The following EVA1A variants were observed in gnomAD, a reference collection of about 807,000 sequenced individuals.
The protein encoded by EVA1A is protein eva-1 homolog A.
Under a neutral mutation model 9.8 loss-of-function variants are expected in EVA1A, and 7 were observed. The observed-to-expected ratio is 0.71, with a 90% CI of 0.41 to 1.34. EVA1A has a LOEUF of 1.34. EVA1A is among the 40% of genes most tolerant of loss of function. The probability of loss-of-function intolerance (pLI) is 0.01; values close to 1 mark genes in which losing one functional copy is unlikely to be tolerated. For synonymous variants in EVA1A, 90 were observed against 85.6 expected (o/e 1.05, Z -0.28); for missense variants, 206 against 205.9 (o/e 1.00, Z 0.00).
In EVA1A at chr2:75,522,628, CA is replaced by C. The variant is rs1265050486; in HGVS notation, c.-191-142del. ...TCCTTGGAAGGATGAATAGCATCCC[CA>C]GAGAGGAGAAAGCCCATTGACAGAG... On this transcript the variant is annotated intron_variant, in intron 1 of 3. Coordinates refer to ENST00000393913, the MANE Select transcript of EVA1A (RefSeq NM_001135032.2). 3.9e-5 allele frequency: 6 copies of C among 152,402 alleles called. No individual in the cohort carries two copies. In the East Asian group the frequency reaches 1.2e-3, roughly 29 times the overall value. The allele number at this position is 152,402 out of a possible 1,614,324, so 9.4% of individuals were successfully genotyped here. A position where few individuals can be genotyped will look rare whatever the true frequency, so the allele number is the denominator to read the frequency against.
intron 1 of EVA1A, among the ~76,000 whole-genome samples, chr2:75,550,198 T>C (rs1676473003): frequency 1.3e-5 from 2 of 152,158 alleles, no homozygotes; most frequent in South Asian, 4.2e-4. Flanking sequence ...ATGGCAGTGG[T>C]CAAATCCTCT....
At chr2:75,532,988 C>CA (rs1675722799) in intron 1 of EVA1A, among the ~76,000 whole-genome samples, 1 of 151,464 alleles carries the variant, frequency 6.6e-6, no homozygotes, top group South Asian at 2.1e-4. Flanking sequence ...ACTAAAAATA[C>CA]AAAAATTAGC....
chr2:75,507,472 G>T (rs2103808739), intron 3 of EVA1A, among the ~76,000 whole-genome samples: 1 of 152,176 alleles, frequency 6.6e-6, no homozygotes, highest in South Asian at 2.1e-4. Flanking sequence ...TAATGACTTT[G>T]CCCCTTTCAG....
intron 1 of EVA1A, among the ~76,000 whole-genome samples, chr2:75,555,371 T>C (rs952620632): frequency 7.0e-6 from 1 of 142,940 alleles, no homozygotes; most frequent in East Asian, 2.1e-4. Context: ...TGTTTCTCCA[T>C]CCCTTTCTAA....
At chr2:75,517,957 T>A in intron 3 of EVA1A, 99 bp downstream of exon 3, 1 of 1,367,806 alleles carries the variant, frequency 7.3e-7, no homozygotes, top group African/African-American at 1.4e-5. Flanking sequence ...TTACGTAGTG[T>A]GTCTTTACTG....
chr2:75,529,464 C>T (rs956956209), intron 1 of EVA1A, among the ~76,000 whole-genome samples: 1 of 152,112 alleles, frequency 6.6e-6, no homozygotes, highest in Non-Finnish European at 1.5e-5. Context: ...CATCAGCACA[C>T]AGAACATTAT....
At chr2:75,507,911 T>C (rs1674674427) in intron 3 of EVA1A, among the ~76,000 whole-genome samples, 1 of 152,258 alleles carries the variant, frequency 6.6e-6, no homozygotes, top group Admixed American at 6.5e-5. Context: ...GCTGAAGCCA[T>C]GGCAGAAGAA....
intron 2 of EVA1A, among the ~76,000 whole-genome samples, chr2:75,519,851 T>G (rs1675175464): frequency 6.6e-6 from 1 of 152,152 alleles, no homozygotes; most frequent in African/African-American, 2.4e-5. Flanking sequence ...AGATTGCAAG[T>G]CTTATCATTT....
In EVA1A at chr2:75,493,783, C is replaced by T. The variant is rs116670438; in HGVS notation, c.86-174G>A. ...TATTCAAAATATAATTATTGACAAA[C>T]GGTGAATCTGTGAAAGGTATATGAA... On this transcript the variant is annotated intron_variant, in intron 3 of 3. Coordinates refer to ENST00000393913, the MANE Select transcript of EVA1A (RefSeq NM_001135032.2). Among the ~76,000 whole-genome samples the T allele has an allele frequency of 7.1e-4, 108 of 152,268 alleles. 1 individual carries two copies. Among genetic ancestry groups the T allele is most frequent in the African/African-American group, 2.5e-3 (102 of 41,524 alleles).
At chr2:75,510,470 T>C (rs1674771159) in intron 3 of EVA1A, among the ~76,000 whole-genome samples, 1 of 152,110 alleles carries the variant, frequency 6.6e-6, no homozygotes, top group Admixed American at 6.6e-5. Context: ...ATGCCCAAAT[T>C]CGTGACTATC....
intron 3 of EVA1A, among the ~76,000 whole-genome samples, chr2:75,506,606 A>T (rs1283167973): frequency 6.6e-6 from 1 of 152,244 alleles, no homozygotes; most frequent in African/African-American, 2.4e-5. Context: ...GAGTAGGCAC[A>T]GCCTCAATTC....
intron 1 of EVA1A, among the ~76,000 whole-genome samples, chr2:75,557,081 C>T (rs1676738516): frequency 6.6e-6 from 1 of 152,182 alleles, no homozygotes; most frequent in South Asian, 2.1e-4. Context: ...GTTAGGTGAC[C>T]TCACCCCACT....
At chr2:75,501,554 A>C (rs1674419386) in intron 3 of EVA1A, among the ~76,000 whole-genome samples, 1 of 152,198 alleles carries the variant, frequency 6.6e-6, no homozygotes, top group Non-Finnish European at 1.5e-5. Context: ...CCCTGGCAAC[A>C]AAAAAGGTTT....
In EVA1A at chr2:75,500,389, T is replaced by C. The variant is rs189494653; in HGVS notation, c.86-6780A>G. On this transcript the variant is annotated intron_variant, in intron 3 of 3. Coordinates refer to ENST00000393913, the MANE Select transcript of EVA1A (RefSeq NM_001135032.2). Reference sequence around the variant, plus strand: ...AATTATAACAAAACTTCTTTTGTTTTTGTCTACATGTTTATGTGAACAAAG... The same window carrying C: ...AATTATAACAAAACTTCTTTTGTTTCTGTCTACATGTTTATGTGAACAAAG... Among the ~76,000 whole-genome samples, 93 of 152,328 alleles carry C rather than the reference T, an allele frequency of 6.1e-4. 1 individual carries two copies. The East Asian group carries it at 0.013, about 22-fold the overall frequency.
In EVA1A at chr2:75,493,422, G is replaced by C; in HGVS notation, c.273C>G (p.Thr91=). The change falls in exon 4 of 4, where the codon ACC becomes ACG. Residue 91 remains threonine (T), a synonymous_variant. Transcript: ENST00000393913. The part of the protein sequence containing the change: ...SSDSEDGSED[T]VSDLSVRRHR... Reference sequence around the variant, plus strand: ...GTCTCCGCACGGAGAGATCGGACACGGTGTCCTCACTGCCATCCTCGCTGT... The same window carrying C: ...GTCTCCGCACGGAGAGATCGGACACCGTGTCCTCACTGCCATCCTCGCTGT... The C allele has an allele frequency of 6.2e-7, 1 of 1,614,146 alleles. No homozygotes were observed. Among genetic ancestry groups the C allele is most frequent in the South Asian group, 1.1e-5 (1 of 91,084 alleles).
intron 1 of EVA1A, among the ~76,000 whole-genome samples, chr2:75,555,095 C>CATCAATTGT (rs1676657068): frequency 6.6e-6 from 1 of 152,112 alleles, no homozygotes. Context: ...TATAGAAGGA[C>CATCAATTGT]CTACATCAAT....
upstream of EVA1A, among the ~76,000 whole-genome samples, chr2:75,561,662 A>T (rs1272726479): frequency 6.6e-6 from 1 of 152,098 alleles, no homozygotes; most frequent in African/African-American, 2.4e-5. Flanking sequence ...GTCTCTTAAG[A>T]GATGGGTCAC....
chr2:75,529,736 A>C (rs747002670), intron 1 of EVA1A, among the ~76,000 whole-genome samples: 2 of 152,214 alleles, frequency 1.3e-5, no homozygotes, highest in Non-Finnish European at 2.9e-5. Flanking sequence ...CCCTGGATAC[A>C]GCAAAAGTGG....
chr2:75,500,883 T>C (rs1481439489), intron 3 of EVA1A, among the ~76,000 whole-genome samples: 1 of 152,106 alleles, frequency 6.6e-6, no homozygotes, highest in Non-Finnish European at 1.5e-5. Flanking sequence ...CTTCCATCTC[T>C]TTCCCACTCA....
Sources: allele counts gnomAD v4.1 joint callset (sites outside exome capture counted in the v4.1 genomes callset), GRCh38; gene constraint gnomAD v4.1.1; transcripts MANE v1.5; gene names NCBI Gene and HGNC (gene_info 2026-07-23, HGNC 2026-07-21).